GABRB2: variants seen among roughly 807,000 people sequenced by gnomAD.
GABRB2 encodes the protein gamma-aminobutyric acid type A receptor subunit beta2.
Under a neutral mutation model 54.7 loss-of-function variants are expected in GABRB2, and 16 were observed. The ratio of observed to expected loss-of-function variants is 0.29; its 90% CI spans 0.20 to 0.44. GABRB2 has a LOEUF of 0.44. GABRB2 is among the 20% of genes least tolerant of loss of function. The pLI is 1.00. For synonymous variants in GABRB2, 244 were observed against 233.8 expected (o/e 1.04, Z -0.40); for missense variants, 355 against 644.0 (o/e 0.55, Z 4.86).
intron 3 of GABRB2, among the ~76,000 whole-genome samples, chr5:161,540,928 C>A (rs1288641532): frequency 2.6e-5 from 4 of 152,088 alleles, no homozygotes; most frequent in Non-Finnish European, 5.9e-5. Flanking sequence ...TTCACTGCAA[C>A]CTTTGCCACC....
At chr5:161,524,695 TACA>T (rs1052625691) in intron 3 of GABRB2, among the ~76,000 whole-genome samples, 31 of 151,444 alleles carry the variant, frequency 2.0e-4, no homozygotes, top group African/African-American at 7.5e-4. Context: ...TAGAATAGAA[TACA>T]ACATGATCTG....
chr5:161,446,394 G>A (rs1048152654), intron 4 of GABRB2, among the ~76,000 whole-genome samples: 2 of 152,092 alleles, frequency 1.3e-5, no homozygotes, highest in African/African-American at 2.4e-5. Context: ...ACACTGTACA[G>A]ACATTCCTAA....
chr5:161,397,103 T>A (rs563828797), intron 5 of GABRB2, among the ~76,000 whole-genome samples: 97 of 152,352 alleles, frequency 6.4e-4, no homozygotes, highest in African/African-American at 2.2e-3. Context: ...GTACATTTTA[T>A]CAATGTATCT....
In GABRB2 at chr5:161,291,311, A is replaced by T. The variant is rs1757231884; in HGVS notation, c.*2770T>A. The T allele has an allele frequency of 6.6e-6, 1 of 152,238 alleles. No homozygotes were observed. Among genetic ancestry groups the T allele is most frequent in the African/African-American group, 2.4e-5 (1 of 41,470 alleles). 9.4% of individuals were successfully genotyped at this position (152,238 alleles called of 1,614,324 possible). ...TAAACTGATAGTAATCCCATATCAG[A>T]ACTACTAAACACACCTTTGTGGTCC... is the stretch of plus-strand genomic sequence containing the variant. On this transcript the variant is annotated 3_prime_UTR_variant, in exon 10 of 10. Transcript: ENST00000393959.
intron 8 of GABRB2, among the ~76,000 whole-genome samples, chr5:161,327,487 G>A (rs1758404426): frequency 1.3e-5 from 2 of 151,830 alleles, no homozygotes; most frequent in African/African-American, 4.8e-5. Context: ...ATGTGACCTT[G>A]GCTATTTCAC....
rs373293308 is a variant in GABRB2 at position 161,302,056 on chromosome 5, G to A, written c.1192-7628C>T. Among the ~76,000 whole-genome samples, 6 of 152,310 alleles carry A rather than the reference G, an allele frequency of 3.9e-5. No individual in the cohort carries two copies. In the East Asian group the frequency reaches 1.2e-3, roughly 29 times the overall value. Reference sequence around the variant, plus strand: ...GATTTATTTGCACTAACATTCCAGAGCCTTCTCCAGATGATCCTCTGTGAA... The same window carrying A: ...GATTTATTTGCACTAACATTCCAGAACCTTCTCCAGATGATCCTCTGTGAA... On this transcript the variant is annotated intron_variant, in intron 9 of 9. Transcript: ENST00000393959.
intron 4 of GABRB2, among the ~76,000 whole-genome samples, chr5:161,429,125 T>C (rs1256230810): frequency 6.6e-6 from 1 of 151,484 alleles, no homozygotes; most frequent in Non-Finnish European, 1.5e-5. Context: ...GGCAGGCAGA[T>C]CACCTGAGGT....
At chr5:161,372,878 T>G (rs1023601760) in intron 5 of GABRB2, among the ~76,000 whole-genome samples, 3 of 152,204 alleles carry the variant, frequency 2.0e-5, no homozygotes, top group Non-Finnish European at 4.4e-5. Context: ...TCTGCTATGC[T>G]GCATGCACTA....
chr5:161,368,829 G>A (rs1438788735), intron 5 of GABRB2, among the ~76,000 whole-genome samples: 2 of 152,192 alleles, frequency 1.3e-5, no homozygotes, highest in East Asian at 1.9e-4. Context: ...TAGATGGAAA[G>A]TGAGGTGTAA....
At chr5:161,375,159 C>T (rs983070269) in intron 5 of GABRB2, among the ~76,000 whole-genome samples, 2 of 152,158 alleles carry the variant, frequency 1.3e-5, no homozygotes, top group African/African-American at 4.8e-5. Context: ...ACATACATCA[C>T]AGCCCACAGT....
At chr5:161,342,134 A>G (rs1473014338) in intron 5 of GABRB2, among the ~76,000 whole-genome samples, 1 of 151,652 alleles carries the variant, frequency 6.6e-6, no homozygotes, top group Non-Finnish European at 1.5e-5. Context: ...TTTTGTCATC[A>G]TAACCAATTG....
chr5:161,502,901 T>C (rs911876508), intron 3 of GABRB2, among the ~76,000 whole-genome samples: 1 of 152,162 alleles, frequency 6.6e-6, no homozygotes, highest in Admixed American at 6.6e-5. Flanking sequence ...TAAGCTGTGG[T>C]TGAACAGGTG....
chr5:161,312,730 C>T (rs933393351), intron 9 of GABRB2, among the ~76,000 whole-genome samples: 3 of 152,024 alleles, frequency 2.0e-5, no homozygotes, highest in Non-Finnish European at 2.9e-5. Flanking sequence ...GGAAATTTGC[C>T]GAAATTTGTA....
chr5:161,425,476 G>T (rs1756971633), intron 4 of GABRB2, among the ~76,000 whole-genome samples: 1 of 152,072 alleles, frequency 6.6e-6, no homozygotes, highest in African/African-American at 2.4e-5. Flanking sequence ...TGAAGTCTCA[G>T]ATGATCATTA....
intron 7 of GABRB2, among the ~76,000 whole-genome samples, chr5:161,331,990 C>A (rs1234250969): frequency 6.6e-6 from 1 of 151,504 alleles, no homozygotes; most frequent in African/African-American, 2.4e-5. Flanking sequence ...ACGGTGAAAC[C>A]CTGTCTCTAC....
chr5:161,343,048 AATTAGAGTCACTGGG>A (rs1415426099), intron 5 of GABRB2, among the ~76,000 whole-genome samples: 5 of 152,042 alleles, frequency 3.3e-5, no homozygotes, highest in Non-Finnish European at 1.5e-5. Context: ...AGTCAATGCC[AATTAGAGTCACTGGG>A]ATCTTTCGAG....
chr5:161,536,182 C>T (rs2113465841), intron 3 of GABRB2, among the ~76,000 whole-genome samples: 1 of 152,170 alleles, frequency 6.6e-6, no homozygotes, highest in African/African-American at 2.4e-5. Flanking sequence ...AGACAAGTAG[C>T]TATAATTATT....
intron 4 of GABRB2, among the ~76,000 whole-genome samples, chr5:161,439,978 A>T (rs1305460380): frequency 6.6e-6 from 1 of 150,918 alleles, no homozygotes; most frequent in Admixed American, 6.6e-5. Context: ...GGAACTTAAA[A>T]GTTGTAGAGA....
intron 3 of GABRB2, among the ~76,000 whole-genome samples, chr5:161,475,071 G>T (rs1758556151): frequency 6.6e-6 from 1 of 151,888 alleles, no homozygotes. Flanking sequence ...TAGTTAATTG[G>T]CAAGTTGGAG....
Sources: allele counts gnomAD v4.1 joint callset (sites outside exome capture counted in the v4.1 genomes callset), GRCh38; gene constraint gnomAD v4.1.1; transcripts MANE v1.5; gene names NCBI Gene and HGNC (gene_info 2026-07-23, HGNC 2026-07-21).